PCDH9: variants seen among roughly 807,000 people sequenced by gnomAD.
PCDH9 encodes protocadherin 9.
A neutral mutation model predicts 70.6 loss-of-function variants in PCDH9; 24 were observed. The observed-to-expected ratio is 0.34, with a 90% CI of 0.25 to 0.48. The LOEUF (loss-of-function observed/expected upper bound fraction) is 0.48. PCDH9 is among the 20% of genes least tolerant of loss of function. The probability of loss-of-function intolerance (pLI) is 0.99; values close to 1 mark genes in which losing one functional copy is unlikely to be tolerated. For synonymous variants in PCDH9, 562 were observed against 558.5 expected (o/e 1.01, Z -0.09); for missense variants, 1,281 against 1,503.6 (o/e 0.85, Z 2.45).
chr13:66,687,669 G>A (rs935877343), intron 3 of PCDH9, among the ~76,000 whole-genome samples: 8 of 152,106 alleles, frequency 5.3e-5, no homozygotes, highest in Non-Finnish European at 1.2e-4. Context: ...GAGTAGATAT[G>A]CAAACCCAAG....
chr13:66,320,897 T>G (rs749717542), intron 4 of PCDH9, among the ~76,000 whole-genome samples: 41 of 152,034 alleles, frequency 2.7e-4, no homozygotes, highest in Non-Finnish European at 7.4e-5. Context: ...TCATCACGTA[T>G]AGCTTTCATG....
chr13:66,829,390 T>G (rs1721711836), intron 3 of PCDH9, among the ~76,000 whole-genome samples: 1 of 152,058 alleles, frequency 6.6e-6, no homozygotes, highest in Non-Finnish European at 1.5e-5. Flanking sequence ...AATATATAGT[T>G]GGAAAAGGCA....
intron 4 of PCDH9, among the ~76,000 whole-genome samples, chr13:66,479,030 A>G (rs1038169557): frequency 6.6e-6 from 1 of 152,162 alleles, no homozygotes; most frequent in African/African-American, 2.4e-5. Context: ...ACAGCTAGTG[A>G]CTTTCAGTTA....
At chr13:66,700,938 A>G (rs77854781) in intron 3 of PCDH9, among the ~76,000 whole-genome samples, 1,684 of 114,782 alleles carry the variant, frequency 0.015, 94 homozygotes, top group African/African-American at 0.026. Flanking sequence ...ATATATATAT[A>G]TATATATATA....
rs145190127 is a variant in PCDH9 at position 66,428,690 on chromosome 13, T to C, written c.3341-123662A>G. On this transcript the variant is annotated intron_variant, in intron 4 of 4. Coordinates refer to ENST00000377865, the MANE Select transcript of PCDH9 (RefSeq NM_203487.3). ...TCTAAAACGAATATGTGTGAAATGA[T>C]TGAATATACGAGATATTTAGGGTAA... Among the ~76,000 whole-genome samples the C allele has an allele frequency of 5.5e-4, 83 of 151,916 alleles. 1 individual carries two copies. The highest frequency in any genetic ancestry group is 1.4e-3 in the African/African-American group (60 of 41,526).
intron 3 of PCDH9, among the ~76,000 whole-genome samples, chr13:66,839,080 T>TA (rs913198358): frequency 2.6e-5 from 4 of 151,942 alleles, no homozygotes; most frequent in South Asian, 2.1e-4. Flanking sequence ...GACAGAGTAT[T>TA]AAAAAAACTT....
intron 3 of PCDH9, among the ~76,000 whole-genome samples, chr13:66,664,677 T>C (rs1375322658): frequency 1.3e-5 from 2 of 152,162 alleles, no homozygotes; most frequent in East Asian, 3.8e-4. Flanking sequence ...TGATATATAT[T>C]CTCCATGGAC....
At chr13:66,919,738 C>T (rs2082610283) in intron 2 of PCDH9, among the ~76,000 whole-genome samples, 1 of 150,876 alleles carries the variant, frequency 6.6e-6, no homozygotes, top group African/African-American at 2.4e-5. Context: ...CCTCAATCTC[C>T]CTATGGGGAT....
chr13:66,418,949 T>C (rs1432377775), intron 4 of PCDH9, among the ~76,000 whole-genome samples: 2 of 152,130 alleles, frequency 1.3e-5, no homozygotes, highest in Non-Finnish European at 2.9e-5. Flanking sequence ...CATCAGAGAA[T>C]ACTACAAATA....
intron 4 of PCDH9, among the ~76,000 whole-genome samples, chr13:66,533,400 A>G (rs1960556256): frequency 6.6e-6 from 1 of 152,024 alleles, no homozygotes; most frequent in Non-Finnish European, 1.5e-5. Flanking sequence ...TTAGTTAAAT[A>G]TTAATGATAT....
chr13:66,463,733 T>C (rs1354366362), intron 4 of PCDH9, among the ~76,000 whole-genome samples: 2 of 151,856 alleles, frequency 1.3e-5, no homozygotes, highest in South Asian at 2.1e-4. Flanking sequence ...TATATCCTTA[T>C]AGGCAACATA....
chr13:67,062,937 T>TA (rs1330957876), intron 2 of PCDH9, among the ~76,000 whole-genome samples: 1 of 152,132 alleles, frequency 6.6e-6, no homozygotes, highest in Non-Finnish European at 1.5e-5. Flanking sequence ...CTTTTATTGT[T>TA]AAAAAGTGCT....
In PCDH9 at chr13:66,350,921, C is replaced by A. The variant is rs555663777; in HGVS notation, c.3341-45893G>T. Among the ~76,000 whole-genome samples the A allele has an allele frequency of 3.9e-5, 6 of 152,230 alleles. No homozygotes were observed. In the South Asian group the frequency reaches 1.0e-3, roughly 26 times the overall value. On this transcript the variant is annotated intron_variant, in intron 4 of 4. Transcript: ENST00000377865. ...TTACTTGATATATTTTGAAATCTTT[C>A]GTAGGCCAAAATGTAATTTATCTTC... is the stretch of plus-strand genomic sequence containing the variant.
intron 3 of PCDH9, among the ~76,000 whole-genome samples, chr13:66,739,163 T>G (rs372634900): frequency 6.9e-6 from 1 of 145,328 alleles, no homozygotes; most frequent in South Asian, 2.3e-4. Context: ...CCCTACAAGC[T>G]AGAAGAGAGT....
At chr13:67,021,556 G>A (rs1165498124) in intron 2 of PCDH9, among the ~76,000 whole-genome samples, 1 of 152,006 alleles carries the variant, frequency 6.6e-6, no homozygotes, top group African/African-American at 2.4e-5. Flanking sequence ...CATGAAGGAT[G>A]ATGGTGTAAT....
At chr13:66,440,957 A>G (rs1030822741) in intron 4 of PCDH9, among the ~76,000 whole-genome samples, 2 of 152,158 alleles carry the variant, frequency 1.3e-5, no homozygotes, top group Admixed American at 6.5e-5. Flanking sequence ...CAGCCACAAG[A>G]TCAACCACAA....
intron 2 of PCDH9, among the ~76,000 whole-genome samples, chr13:67,160,003 T>C (rs2087913206): frequency 1.3e-5 from 2 of 152,180 alleles, no homozygotes; most frequent in African/African-American, 2.4e-5. Context: ...GTTTCCTACT[T>C]CTTCCATTGT....
intron 4 of PCDH9, among the ~76,000 whole-genome samples, chr13:66,393,190 C>T (rs1957047632): frequency 6.6e-6 from 1 of 152,106 alleles, no homozygotes; most frequent in African/African-American, 2.4e-5. Flanking sequence ...AAAAAGTGTG[C>T]ATTCTTCTAA....
chr13:67,011,529 C>T (rs1374400280), intron 2 of PCDH9, among the ~76,000 whole-genome samples: 2 of 151,648 alleles, frequency 1.3e-5, no homozygotes, highest in African/African-American at 4.8e-5. Context: ...TATTCGTATG[C>T]CAAAAATGAA....
Sources: allele counts gnomAD v4.1 joint callset (sites outside exome capture counted in the v4.1 genomes callset), GRCh38; gene constraint gnomAD v4.1.1; transcripts MANE v1.5; gene names NCBI Gene and HGNC (gene_info 2026-07-23, HGNC 2026-07-21).